Variants in MYO5B observed in about 807,000 individuals in gnomAD.
MYO5B encodes myosin VB, also known as unconventional myosin-Vb.
A neutral mutation model predicts 229.3 loss-of-function variants in MYO5B; 143 were observed. The observed-to-expected ratio is 0.62, with a 90% CI of 0.54 to 0.72. MYO5B has a LOEUF of 0.72. MYO5B is among the 30% of genes least tolerant of loss of function. The pLI is 0.00. For missense variants in MYO5B, 2,321 were observed against 2,331.0 expected (o/e 1.00, Z 0.09); for synonymous variants, 918 against 885.2 (o/e 1.04, Z -0.66).
intron 7 of MYO5B, among the ~76,000 whole-genome samples, chr18:49,986,506 C>T (rs2025872388): frequency 6.6e-6 from 1 of 152,196 alleles, no homozygotes; most frequent in African/African-American, 2.4e-5. Flanking sequence ...GTAACAAATT[C>T]TGAGGACCAG....
chr18:49,823,670 A>G lies in MYO5B; in HGVS notation c.*2801T>C, dbSNP rs1023447295. On this transcript the variant is annotated 3_prime_UTR_variant, in exon 40 of 40. Transcript: ENST00000285039. ...GACATGCTTCATGGAAAGGGGAAAA[A>G]CATCTACCTTTGGGTCTAATCTGCC... 3.4e-5 allele frequency: 5 copies of G among 149,152 alleles called. No homozygotes were observed. Among genetic ancestry groups the G allele is most frequent in the African/African-American group, 1.2e-4 (5 of 40,378 alleles). The allele number at this position is 149,152 out of a possible 1,614,324, so 9.2% of individuals were successfully genotyped here.
intron 14 of MYO5B, among the ~76,000 whole-genome samples, chr18:49,938,407 AAGT>A (rs1416228073): frequency 6.6e-6 from 1 of 152,096 alleles, no homozygotes; most frequent in Non-Finnish European, 1.5e-5. Flanking sequence ...GGCTAGAATA[AAGT>A]ATTACAAGGC....
chr18:50,166,228 T>C (rs1046737551), intron 1 of MYO5B, among the ~76,000 whole-genome samples: 2 of 152,216 alleles, frequency 1.3e-5, no homozygotes, highest in African/African-American at 4.8e-5. Flanking sequence ...ACCTAACTGA[T>C]GGGTAATTGC....
rs548741525 is a variant in MYO5B, at chr18:49,899,037, A to G, written c.2811+3557T>C. Among the ~76,000 whole-genome samples the G allele has an allele frequency of 4.5e-4, 69 of 152,270 alleles. 4 individuals carry two copies. The South Asian group carries it at 0.013, about 29-fold the overall frequency. Reference sequence around the variant, plus strand: ...TCCCCTTGGAAGAACTAAAGCCCCAATCATTTCCAAGCTATCAGCTCTGGT... The same window carrying G: ...TCCCCTTGGAAGAACTAAAGCCCCAGTCATTTCCAAGCTATCAGCTCTGGT... On this transcript the variant is annotated intron_variant, in intron 21 of 39. Transcript: ENST00000285039.
chr18:50,125,491 G>A (rs889366901), intron 1 of MYO5B, among the ~76,000 whole-genome samples: 6 of 152,024 alleles, frequency 3.9e-5, no homozygotes, highest in African/African-American at 1.4e-4. Context: ...TGCACGTTGT[G>A]TACATGTAAC....
chr18:49,974,758 C>A, intron 9 of MYO5B, 143 bp from the exon 10 acceptor site: 1 of 792,198 alleles, frequency 1.3e-6, no homozygotes, highest in Non-Finnish European at 2.0e-6. Context: ...ACATGCCCTG[C>A]TGCCAGCCCA....
intron 1 of MYO5B, among the ~76,000 whole-genome samples, chr18:50,155,150 A>G (rs371927915): frequency 1.4e-4 from 21 of 152,338 alleles, no homozygotes; most frequent in African/African-American, 5.0e-4. Flanking sequence ...GAGACCTTCC[A>G]TAAATAGTAG....
chr18:50,161,059 C>T (rs1055184264), intron 1 of MYO5B, among the ~76,000 whole-genome samples: 1 of 152,178 alleles, frequency 6.6e-6, no homozygotes, highest in Non-Finnish European at 1.5e-5. Flanking sequence ...ACACAAAGCT[C>T]AAAGTTGCAG....
intron 22 of MYO5B, 51 bp from the exon 23 acceptor site, chr18:49,880,506 A>C: frequency 1.4e-6 from 2 of 1,387,396 alleles, no homozygotes; most frequent in Non-Finnish European, 2.1e-6. Flanking sequence ...GGAAGAGGAG[A>C]GGCTCCTCTT....
intron 7 of MYO5B, among the ~76,000 whole-genome samples, chr18:49,986,866 G>A (rs1353407976): frequency 6.6e-6 from 1 of 152,130 alleles, no homozygotes; most frequent in Non-Finnish European, 1.5e-5. Flanking sequence ...GTCACCCAGG[G>A]TTTGGTCAGG....
At chr18:50,116,420 C>T (rs1296697568) in intron 1 of MYO5B, among the ~76,000 whole-genome samples, 2 of 152,166 alleles carry the variant, frequency 1.3e-5, no homozygotes, top group Non-Finnish European at 2.9e-5. Flanking sequence ...AAAGCTCAGG[C>T]ATGAGCTGAG....
Position 49,829,083 on chromosome 18 carries a change from A to ATTT in MYO5B, c.5395-2463_5395-2461dup, listed in dbSNP as rs71169455. Reference sequence around the variant, plus strand: ...TCAAAGTTGGTTCAAAAAATTGACAATTTTTTTTTTTTTTTTAAGATGGGG... The same window carrying ATTT: ...TCAAAGTTGGTTCAAAAAATTGACAATTTTTTTTTTTTTTTTTTTAAGATGGGG... On this transcript the variant is annotated intron_variant, in intron 39 of 39. Transcript: ENST00000285039. Among the ~76,000 whole-genome samples the ATTT allele has an allele frequency of 4.1e-3, 573 of 141,344 alleles. 4 individuals carry two copies. Among genetic ancestry groups the ATTT allele is most frequent in the African/African-American group, 9.0e-3 (339 of 37,802 alleles). 92.7% of individuals were successfully genotyped at this position (141,344 alleles called of 152,430 possible).
At chr18:50,135,342 A>C (rs1215373096) in intron 1 of MYO5B, among the ~76,000 whole-genome samples, 3 of 152,214 alleles carry the variant, frequency 2.0e-5, no homozygotes, top group African/African-American at 7.2e-5. Context: ...CAACCTACAA[A>C]GTTTAGGGAA....
At chr18:50,164,429 A>G (rs1192436477) in intron 1 of MYO5B, among the ~76,000 whole-genome samples, 2 of 152,238 alleles carry the variant, frequency 1.3e-5, no homozygotes, top group Non-Finnish European at 2.9e-5. Context: ...ACACACCAAC[A>G]CAGCGTAACT....
intron 1 of MYO5B, among the ~76,000 whole-genome samples, chr18:50,188,785 TAA>T (rs4042094): frequency 0.01 from 1,063 of 104,448 alleles, 4 homozygotes; most frequent in African/African-American, 0.012. Flanking sequence ...GACTCTGTCA[TAA>T]AAAAAAAAAA....
chr18:49,856,033 C>A (rs370007482), intron 30 of MYO5B, among the ~76,000 whole-genome samples: 1 of 152,218 alleles, frequency 6.6e-6, no homozygotes, highest in Non-Finnish European at 1.5e-5. Context: ...CTCTTAAAAG[C>A]CACCTGCAGT....
intron 1 of MYO5B, among the ~76,000 whole-genome samples, chr18:50,185,253 A>G (rs949201710): frequency 3.7e-4 from 56 of 152,082 alleles, no homozygotes; most frequent in African/African-American, 1.3e-3. Flanking sequence ...AGTCAACTTT[A>G]AAACATGTGT....
chr18:49,894,951 T>A lies in MYO5B; in HGVS notation c.3035A>T (p.Glu1012Val). Reference sequence around the variant, plus strand: ...CTGGCCTGAGCATACCTTCCTCAGCTCATCTTTCTCCCTGCTGTGGGCGTC... The same window carrying A: ...CTGGCCTGAGCATACCTTCCTCAGCACATCTTTCTCCCTGCTGTGGGCGTC... The part of the protein sequence containing the change: ...LEDAHSREKD[E>V]LRKRVADLEQ... The change falls in exon 22 of 40, where the codon GAG (glutamate) becomes GTG (valine). Residue 1012 changes from glutamate to valine, a missense_variant. Transcript: ENST00000285039. 6.2e-7 allele frequency: 1 copy of A among 1,612,966 alleles called. No homozygotes were observed. The highest frequency in any genetic ancestry group is 1.1e-5 in the South Asian group (1 of 91,074).
intron 12 of MYO5B, among the ~76,000 whole-genome samples, chr18:49,957,585 G>A (rs747679902): frequency 6.6e-6 from 1 of 151,034 alleles, no homozygotes; most frequent in Non-Finnish European, 1.5e-5. Flanking sequence ...GGTTGGGGCC[G>A]CAGTGACAGC....
Sources: gnomAD v4.1 joint callset for allele counts (sites outside exome capture counted in the v4.1 genomes callset) on GRCh38, gnomAD v4.1.1 for gene constraint, MANE v1.5 for transcripts, NCBI Gene and HGNC (gene_info 2026-07-23, HGNC 2026-07-21) for gene names.